Variants in AFAP1 observed in about 807,000 individuals in gnomAD.
The protein encoded by AFAP1 is actin filament associated protein 1.
A neutral mutation model predicts 93.9 loss-of-function variants in AFAP1; 75 were observed. The observed-to-expected ratio is 0.80, with a 90% confidence interval of 0.66 to 0.97. AFAP1 has a LOEUF of 0.97. Ranked by LOEUF, AFAP1 falls within the 50% of genes least tolerant of loss-of-function variation. AFAP1 has a pLI of 0.00. For synonymous variants in AFAP1, 517 were observed against 430.7 expected (o/e 1.20, Z -2.48); for missense variants, 1,201 against 1,050.8 (o/e 1.14, Z -1.98).
intron 1 of AFAP1, among the ~76,000 whole-genome samples, chr4:7,889,489 G>A (rs1301885869): frequency 4.2e-5 from 6 of 144,510 alleles, no homozygotes; most frequent in African/African-American, 1.6e-4. Flanking sequence ...GGAGGTGGAG[G>A]TTGCAGTGAG....
At chr4:7,876,782 C>A (rs1466292625) in intron 1 of AFAP1, among the ~76,000 whole-genome samples, 1 of 152,212 alleles carries the variant, frequency 6.6e-6, no homozygotes, top group Non-Finnish European at 1.5e-5. Flanking sequence ...TTTCTGTTCA[C>A]CTGAAACTGT....
At chr4:7,893,181 C>T (rs1718569301) in intron 1 of AFAP1, among the ~76,000 whole-genome samples, 1 of 152,190 alleles carries the variant, frequency 6.6e-6, no homozygotes, top group African/African-American at 2.4e-5. Context: ...AGCAACATCC[C>T]CTTTCCATCA....
In AFAP1 at chr4:7,871,991, C is replaced by A; in HGVS notation, c.88G>T (p.Val30Leu). ...LTSTVREKKA[V>L]ITNILLRIQS... Reference sequence around the variant, plus strand: ...ATTCTTAGCAGAATGTTGGTTATCACTGCCTTTTTCTCCCTGACAGTTGAG... The same window carrying A: ...ATTCTTAGCAGAATGTTGGTTATCAATGCCTTTTTCTCCCTGACAGTTGAG... Residue 30 changes from valine to leucine, a missense_variant, in exon 2 of 18, where the codon GTG becomes TTG. Coordinates refer to ENST00000420658, the MANE Select transcript of AFAP1 (RefSeq NM_001134647.2). 4 of 1,614,202 alleles carry A rather than the reference C, an allele frequency of 2.5e-6. No homozygotes were observed. The highest frequency in any genetic ancestry group is 3.4e-6 in the Non-Finnish European group (4 of 1,180,028).
chr4:7,924,185 A>G (rs979586431), intron 1 of AFAP1, among the ~76,000 whole-genome samples: 10 of 152,238 alleles, frequency 6.6e-5, no homozygotes, highest in African/African-American at 2.2e-4. Context: ...CCACCAAAAA[A>G]GCTGGAACGT....
chr4:7,901,300 T>C (rs868362274), intron 1 of AFAP1, among the ~76,000 whole-genome samples: 1 of 152,184 alleles, frequency 6.6e-6, no homozygotes, highest in Non-Finnish European at 1.5e-5. Flanking sequence ...CACATCAAGT[T>C]CACAACGTCC....
At chr4:7,911,084 C>A (rs1400550240) in intron 1 of AFAP1, among the ~76,000 whole-genome samples, 1 of 152,202 alleles carries the variant, frequency 6.6e-6, no homozygotes, top group Non-Finnish European at 1.5e-5. Context: ...CTGTCTCCAA[C>A]GGGTCTTTTA....
intron 1 of AFAP1, among the ~76,000 whole-genome samples, chr4:7,908,501 T>G (rs1196219253): frequency 1.3e-5 from 2 of 152,224 alleles, no homozygotes; most frequent in African/African-American, 4.8e-5. Context: ...TTGATTTAAT[T>G]GATTTAATAA....
At chr4:7,888,235 G>C (rs1417350062) in intron 1 of AFAP1, among the ~76,000 whole-genome samples, 1 of 152,216 alleles carries the variant, frequency 6.6e-6, no homozygotes, top group Non-Finnish European at 1.5e-5. Flanking sequence ...TTAATCTACA[G>C]AAAGGACATT....
rs1453366481 is a variant in AFAP1, at chr4:7,767,275, G to T, written c.2418+1569C>A. ...TCACTCGCTTCCCATTCACCAAGAG[G>T]GAGCAAAAGGGAGCGGGGGGCCTGA... On this transcript the variant is annotated intron_variant, in intron 17 of 17. Transcript: ENST00000420658. 5.3e-5 allele frequency among the ~76,000 whole-genome samples: 8 copies of T among 152,206 alleles called. No homozygotes were observed. The South Asian group carries it at 8.3e-4, about 16-fold the overall frequency.
chr4:7,778,947 CT>C, intron 13 of AFAP1, 71 bp from the exon 14 acceptor site: 2 of 1,146,354 alleles, frequency 1.7e-6, no homozygotes, highest in Non-Finnish European at 2.5e-6. Context: ...TTTTTTTTTT[CT>C]GGAGTCATTT....
rs1264116388 is a variant in AFAP1, at chr4:7,822,084, TGTTTATTAA to T, written c.727-2922_727-2914del. Reference sequence around the variant, plus strand: ...CTTTACTCCCTCACCTACCCTAAGGTGTTTATTAAGTCTCCAAATGACAAGGCAAATTTT... The same window carrying T: ...CTTTACTCCCTCACCTACCCTAAGGTGTCTCCAAATGACAAGGCAAATTTT... On this transcript the variant is annotated intron_variant, in intron 6 of 17. Transcript: ENST00000420658. Among the ~76,000 whole-genome samples the T allele has an allele frequency of 2.1e-5, 3 of 143,100 alleles. No homozygotes were observed. In the East Asian group the frequency reaches 5.8e-4, roughly 28 times the overall value. 93.9% of individuals were successfully genotyped at this position (143,100 alleles called of 152,430 possible).
At chr4:7,836,468 C>A (rs2149102443) in intron 6 of AFAP1, among the ~76,000 whole-genome samples, 1 of 152,304 alleles carries the variant, frequency 6.6e-6, no homozygotes. Flanking sequence ...GTTTTTGAGA[C>A]AGGGTCTCGC....
At chr4:7,785,214 G>A (rs912383189) in intron 12 of AFAP1, among the ~76,000 whole-genome samples, 11 of 152,150 alleles carry the variant, frequency 7.2e-5, no homozygotes, top group African/African-American at 1.7e-4. Context: ...GGCAGACACC[G>A]TAGAACCAGC....
intron 1 of AFAP1, among the ~76,000 whole-genome samples, chr4:7,923,552 C>T (rs1560238473): frequency 6.6e-6 from 1 of 152,192 alleles, no homozygotes; most frequent in Non-Finnish European, 1.5e-5. Context: ...GATCTTGGCT[C>T]ACTGCAACCT....
intron 1 of AFAP1, among the ~76,000 whole-genome samples, chr4:7,906,337 A>G (rs1194147217): frequency 6.6e-6 from 1 of 152,230 alleles, no homozygotes; most frequent in East Asian, 1.9e-4. Flanking sequence ...GAATAAAATC[A>G]GATAATGGAT....
At chr4:7,850,602 G>T (rs917404060) in intron 4 of AFAP1, among the ~76,000 whole-genome samples, 24 of 152,244 alleles carry the variant, frequency 1.6e-4, no homozygotes, top group Non-Finnish European at 7.3e-5. Context: ...GAGAAACTGA[G>T]GAACCTGGAA....
Position 7,797,709 on chromosome 4 carries a change from G to A in AFAP1, c.1266+2733C>T, listed in dbSNP as rs1403375632. ...CTAGAAAAACCTGACGAAGATCTAGGACTCAGACCAGCATGCTGTATGCAT... is the reference window on the plus strand; with the variant it reads ...CTAGAAAAACCTGACGAAGATCTAGAACTCAGACCAGCATGCTGTATGCAT... On this transcript the variant is annotated intron_variant, in intron 10 of 17. Coordinates refer to ENST00000420658, the MANE Select transcript of AFAP1 (RefSeq NM_001134647.2). Among the ~76,000 whole-genome samples, 3 of 152,188 alleles carry A rather than the reference G, an allele frequency of 2.0e-5. No individual in the cohort carries two copies. In the East Asian group the frequency reaches 5.8e-4, roughly 29 times the overall value.
chr4:7,799,270 C>T (rs1718790487), intron 10 of AFAP1: 1 of 159,348 alleles, frequency 6.3e-6, no homozygotes, highest in Non-Finnish European at 1.3e-5. Context: ...TGCTTCTGAC[C>T]TTCCCTTACG....
At chr4:7,880,278 CTTT>C (rs35346388) in intron 1 of AFAP1, among the ~76,000 whole-genome samples, 6 of 120,548 alleles carry the variant, frequency 5.0e-5, no homozygotes, top group South Asian at 5.4e-4. Flanking sequence ...ACCCAAATGC[CTTT>C]TTTTTTTTTT....
Sources: allele counts gnomAD v4.1 joint callset (sites outside exome capture counted in the v4.1 genomes callset), GRCh38; gene constraint gnomAD v4.1.1; transcripts MANE v1.5; gene names NCBI Gene and HGNC (gene_info 2026-07-23, HGNC 2026-07-21).